CDIN1: variants seen among roughly 807,000 people sequenced by gnomAD.
CDIN1 encodes the protein CDAN1 interacting nuclease 1, also known as CDAN1-interacting nuclease 1.
In CDIN1, 33 loss-of-function variants were observed where a neutral mutation model predicts 45.3. The ratio of observed to expected loss-of-function variants is 0.73; its 90% CI spans 0.55 to 0.97. CDIN1 has a LOEUF of 0.97. Ranked by LOEUF, CDIN1 falls within the 50% of genes least tolerant of loss-of-function variation. CDIN1 has a pLI of 0.00. For missense variants in CDIN1, 303 were observed against 339.4 expected (o/e 0.89, Z 0.84); for synonymous variants, 118 against 124.4 (o/e 0.95, Z 0.34).
intron 10 of CDIN1, chr15:36,746,883 G>C (rs1183035857): frequency 2.6e-6 from 1 of 389,778 alleles, no homozygotes; most frequent in African/African-American, 2.1e-5. Flanking sequence ...CCAAGTAGCT[G>C]GGACTGCAGG....
At chr15:36,772,143 G>C (rs2054096731) in intron 10 of CDIN1, among the ~76,000 whole-genome samples, 1 of 152,068 alleles carries the variant, frequency 6.6e-6, no homozygotes, top group Admixed American at 6.6e-5. Flanking sequence ...TCTTCAAGTA[G>C]AGTGTACTGT....
chr15:36,652,092 T>G (rs1480739629), intron 3 of CDIN1, among the ~76,000 whole-genome samples: 1 of 152,220 alleles, frequency 6.6e-6, no homozygotes, highest in East Asian at 1.9e-4. Flanking sequence ...TTCATGCTGA[T>G]CTCTACTCGA....
intron 10 of CDIN1, among the ~76,000 whole-genome samples, chr15:36,796,365 TCA>T (rs2054797159): frequency 6.6e-6 from 1 of 152,222 alleles, no homozygotes; most frequent in Non-Finnish European, 1.5e-5. Flanking sequence ...TCTGGAGTAG[TCA>T]GTCATGGATT....
At chr15:36,774,163 T>TGTGTGTGTGTGTGTGTGCGCGCGCGC (rs149222188) in intron 10 of CDIN1, among the ~76,000 whole-genome samples, 3 of 143,070 alleles carry the variant, frequency 2.1e-5, no homozygotes, top group African/African-American at 8.0e-5. Context: ...TGTGTGTGTG[T>TGTGTGTGTGTGTGTGTGCGCGCGCGC]GCGCGCGCGC....
chr15:36,604,947 G>T (rs1566826916), intron 1 of CDIN1, among the ~76,000 whole-genome samples: 1 of 152,098 alleles, frequency 6.6e-6, no homozygotes, highest in Non-Finnish European at 1.5e-5. Flanking sequence ...TAAAGAGAAA[G>T]GGGGATTTAG....
rs571409250 is a variant in CDIN1, at chr15:36,726,909, C to A, written c.716+16948C>A. Among the ~76,000 whole-genome samples the A allele has an allele frequency of 5.9e-5, 9 of 152,070 alleles. No homozygotes were observed. In the South Asian group the frequency reaches 1.9e-3, roughly 32 times the overall value. On this transcript the variant is annotated intron_variant, in intron 10 of 10. Coordinates refer to ENST00000566621, the MANE Select transcript of CDIN1 (RefSeq NM_001321759.2). ...ATACATATCTTTCCTCTAAATTCAC[C>A]CCAGCTACACAAGTATAAATTTACC...
rs377685100 is a variant in CDIN1, at chr15:36,765,057, C to CTTTTTT, written c.717-43264_717-43263insTTTTTT. Reference sequence around the variant, plus strand: ...ATTTTCTTTTCTTTTATTTTTCTTTCTTTCTTTTTTTTTTTTTAGATGGAG... The same window carrying CTTTTTT: ...ATTTTCTTTTCTTTTATTTTTCTTTCTTTTTTTTTCTTTTTTTTTTTTTAGATGGAG... On this transcript the variant is annotated intron_variant, in intron 10 of 10. Transcript: ENST00000566621. 3.2e-4 allele frequency among the ~76,000 whole-genome samples: 44 copies of CTTTTTT among 139,602 alleles called. 6 individuals carry two copies. Among genetic ancestry groups the CTTTTTT allele is most frequent in the Admixed American group, 5.8e-4 (8 of 13,680 alleles). 91.6% of individuals were successfully genotyped at this position (139,602 alleles called of 152,430 possible).
intron 10 of CDIN1, among the ~76,000 whole-genome samples, chr15:36,785,360 C>G (rs77657229): frequency 6.6e-6 from 1 of 152,106 alleles, no homozygotes; most frequent in Non-Finnish European, 1.5e-5. Context: ...CCAAAGAGTC[C>G]GGTAGGCCTC....
At chr15:36,596,595 T>C (rs1457999683) in intron 1 of CDIN1, among the ~76,000 whole-genome samples, 1 of 152,210 alleles carries the variant, frequency 6.6e-6, no homozygotes, top group Non-Finnish European at 1.5e-5. Context: ...AGTGCTCTTA[T>C]GTATTTCTTA....
intron 10 of CDIN1, among the ~76,000 whole-genome samples, chr15:36,738,646 G>T (rs2381890): frequency 6.6e-6 from 1 of 151,976 alleles, no homozygotes; most frequent in Non-Finnish European, 1.5e-5. Context: ...GCACTGTCCT[G>T]AGGTACATAC....
rs545066538 is a variant in CDIN1 at position 36,601,175 on chromosome 15, CTT to C, written c.101+21216_101+21217del. 1.6e-3 allele frequency among the ~76,000 whole-genome samples: 245 copies of C among 152,182 alleles called. 2 individuals are homozygous for C. Among genetic ancestry groups the C allele is most frequent in the Non-Finnish European group, 2.5e-3 (170 of 67,998 alleles). ...TGGTTCCCTTTTAGAATGTGAATGA[CTT>C]TACCAACTGGGATTTCATTAGGGGT... is the stretch of plus-strand genomic sequence containing the variant. On this transcript the variant is annotated intron_variant, in intron 1 of 10. Transcript: ENST00000566621.
At chr15:36,584,069 T>G (rs2037176886) in intron 1 of CDIN1, among the ~76,000 whole-genome samples, 1 of 152,044 alleles carries the variant, frequency 6.6e-6, no homozygotes, top group Non-Finnish European at 1.5e-5. Flanking sequence ...ATATTAAACA[T>G]TGAAATTAAT....
At chr15:36,616,375 C>G (rs560517765) in intron 1 of CDIN1, among the ~76,000 whole-genome samples, 2 of 151,988 alleles carry the variant, frequency 1.3e-5, no homozygotes, top group African/African-American at 4.8e-5. Flanking sequence ...CCCCACCTCC[C>G]GGGTTCAAGC....
chr15:36,776,948 G>C (rs983392642), intron 10 of CDIN1, among the ~76,000 whole-genome samples: 7 of 151,946 alleles, frequency 4.6e-5, no homozygotes, highest in Non-Finnish European at 1.0e-4. Context: ...CATAAACTTT[G>C]AATTTCAAAA....
chr15:36,627,829 T>C (rs1352562646), intron 1 of CDIN1: 2 of 152,218 alleles, frequency 1.3e-5, no homozygotes, highest in East Asian at 1.9e-4. Flanking sequence ...TAGCAACAGG[T>C]CAGTGGGCGG....
chr15:36,647,206 T>G (rs2040370249), intron 3 of CDIN1, among the ~76,000 whole-genome samples: 1 of 151,840 alleles, frequency 6.6e-6, no homozygotes, highest in East Asian at 1.9e-4. Flanking sequence ...AAAAAAAGTT[T>G]ATAGAGACAG....
intron 10 of CDIN1, among the ~76,000 whole-genome samples, chr15:36,732,100 A>C (rs1465324559): frequency 1.3e-5 from 2 of 152,194 alleles, no homozygotes; most frequent in African/African-American, 2.4e-5. Flanking sequence ...ATCTTTCAGA[A>C]CATGAAGTAG....
intron 1 of CDIN1, among the ~76,000 whole-genome samples, chr15:36,616,924 CA>C (rs922342474): frequency 1.3e-5 from 2 of 150,920 alleles, no homozygotes; most frequent in African/African-American, 2.4e-5. Flanking sequence ...GACTTAGTGT[CA>C]AAAAAATATA....
intron 10 of CDIN1, among the ~76,000 whole-genome samples, chr15:36,789,932 T>C (rs1029600163): frequency 3.9e-5 from 6 of 152,200 alleles, no homozygotes; most frequent in Non-Finnish European, 8.8e-5. Flanking sequence ...TGGCTGTTGG[T>C]CTGTTTCAGT....
Sources: gnomAD v4.1 joint callset for allele counts (sites outside exome capture counted in the v4.1 genomes callset) on GRCh38, gnomAD v4.1.1 for gene constraint, MANE v1.5 for transcripts, NCBI Gene and HGNC (gene_info 2026-07-23, HGNC 2026-07-21) for gene names.